PACSIN2: variants seen among roughly 807,000 people sequenced by gnomAD.
The protein encoded by PACSIN2 is protein kinase C and casein kinase substrate in neurons 2, also known as protein kinase C and casein kinase substrate in neurons protein 2.
A neutral mutation model predicts 63.8 loss-of-function variants in PACSIN2; 25 were observed. That is an observed-to-expected ratio of 0.39 (90% CI 0.29 to 0.55). PACSIN2 has a LOEUF of 0.55. Among genes scored for constraint, PACSIN2 ranks in the 20% least tolerant of loss-of-function variants. PACSIN2 has a pLI of 0.62. For missense variants in PACSIN2, 518 were observed against 646.9 expected (o/e 0.80, Z 2.16); for synonymous variants, 255 against 256.2 (o/e 1.00, Z 0.05).
intron 1 of PACSIN2, among the ~76,000 whole-genome samples, chr22:42,974,575 C>T (rs1465359998): frequency 6.6e-6 from 1 of 152,022 alleles, no homozygotes; most frequent in East Asian, 1.9e-4. Context: ...ATGGTGAAAC[C>T]CTGCCTCTAT....
intron 1 of PACSIN2, among the ~76,000 whole-genome samples, chr22:43,010,399 T>TATATATATATATATATATATATATATATA (rs1388431678): frequency 6.2e-5 from 2 of 32,496 alleles, no homozygotes; most frequent in African/African-American, 2.8e-4. Context: ...TATATATATA[T>TATATATATATATATATATATATATATATA]TTTTTTTTAA....
At chr22:42,977,628 C>A (rs1921797401) in intron 1 of PACSIN2, among the ~76,000 whole-genome samples, 1 of 152,166 alleles carries the variant, frequency 6.6e-6, no homozygotes, top group South Asian at 2.1e-4. Flanking sequence ...TGTCCTCACC[C>A]AAATCTCACG....
intron 5 of PACSIN2, among the ~76,000 whole-genome samples, chr22:42,885,096 C>T (rs1157682334): frequency 1.3e-5 from 2 of 152,260 alleles, no homozygotes; most frequent in Non-Finnish European, 2.9e-5. Context: ...CCCCCTCACA[C>T]AGCTGCTCCC....
intron 1 of PACSIN2, among the ~76,000 whole-genome samples, chr22:42,960,605 A>G (rs1191908640): frequency 6.6e-6 from 1 of 152,232 alleles, no homozygotes; most frequent in Non-Finnish European, 1.5e-5. Context: ...AGATTTTAAA[A>G]TGCTTGTGCC....
At chr22:42,911,384 T>C (rs1425182150) in intron 2 of PACSIN2, among the ~76,000 whole-genome samples, 2 of 146,286 alleles carry the variant, frequency 1.4e-5, no homozygotes, top group East Asian at 4.0e-4. Context: ...AACTCCAGCC[T>C]GCGCTCTCGA....
intron 1 of PACSIN2, among the ~76,000 whole-genome samples, 190 bp downstream of exon 1, chr22:43,014,831 G>C (rs879445524): frequency 9.0e-6 from 1 of 111,292 alleles, no homozygotes; most frequent in Non-Finnish European, 1.8e-5. Flanking sequence ...GGCGCCCCCC[G>C]GGGCCCCGAG....
chr22:42,882,038 C>A, intron 7 of PACSIN2, 146 bp downstream of exon 7: 2 of 924,430 alleles, frequency 2.2e-6, no homozygotes, highest in Non-Finnish European at 3.3e-6. Flanking sequence ...AGAACTTGGT[C>A]TGTACTATAG....
In PACSIN2 at chr22:42,884,433, C is replaced by T. The variant is rs1419593603; in HGVS notation, c.738G>A (p.Glu246=). The T allele has an allele frequency of 4.3e-6, 7 of 1,614,112 alleles. No individual in the cohort carries two copies. The highest frequency in any genetic ancestry group is 5.9e-6 in the Non-Finnish European group (7 of 1,180,050). ...GGTGCTTCTGAACCTCCAGCAGAAC[C>T]TCCCGGAAGAAGCGAAGGCGTTTCT... ...FEEKRLRFFR[E]VLLEVQKHLD... is the part of the protein sequence containing the mutation. Residue 246 remains glutamate, a synonymous_variant, in exon 6 of 11, where the codon GAG becomes GAA. Transcript: ENST00000263246.
intron 1 of PACSIN2, among the ~76,000 whole-genome samples, chr22:42,953,364 T>C (rs1933781925): frequency 6.6e-6 from 1 of 151,450 alleles, no homozygotes; most frequent in African/African-American, 2.4e-5. Context: ...AGAATAAAAA[T>C]CTCACCAGAA....
intron 2 of PACSIN2, among the ~76,000 whole-genome samples, chr22:42,904,105 G>A (rs1930892761): frequency 6.6e-6 from 1 of 152,138 alleles, no homozygotes; most frequent in Non-Finnish European, 1.5e-5. Flanking sequence ...TAACTCCAAA[G>A]GCAGAACACA....
chr22:42,877,002 T>A lies in PACSIN2; in HGVS notation c.1037A>T (p.Asn346Ile), dbSNP rs1417246125. Residue 346 changes from asparagine (N) to isoleucine (I), a missense_variant, in exon 9 of 11, where the codon AAT (asparagine) becomes ATT (isoleucine). Physicochemically the swap from Asn to Ile is moderately radical, Grantham distance 149 (BLOSUM62 -3). Coordinates refer to ENST00000263246, the MANE Select transcript of PACSIN2 (RefSeq NM_001184970.3). ...AGACTGGGCGGGGTTGCTCGGGACA[T>A]TAAGGGTGCTATGGAGAGAGAGAGC... is the stretch of plus-strand genomic sequence containing the variant. ...SLPSKPSSTL[N>I]VPSNPAQSAQ... 6.2e-7 allele frequency: 1 copy of A among 1,614,014 alleles called. No homozygotes were observed. Among genetic ancestry groups the A allele is most frequent in the Non-Finnish European group, 8.5e-7 (1 of 1,179,946 alleles).
At chr22:42,898,000 C>G (rs1206091490) in intron 2 of PACSIN2, among the ~76,000 whole-genome samples, 1 of 151,876 alleles carries the variant, frequency 6.6e-6, no homozygotes, top group South Asian at 2.1e-4. Flanking sequence ...GGCCTGCATC[C>G]TGAAGGGTGT....
At chr22:42,897,674 G>A (rs948928378) in intron 2 of PACSIN2, among the ~76,000 whole-genome samples, 3 of 152,222 alleles carry the variant, frequency 2.0e-5, no homozygotes, top group Non-Finnish European at 4.4e-5. Context: ...CTGGCAGACG[G>A]AGGGCCAAGC....
Position 42,891,169 on chromosome 22 carries a change from C to G in PACSIN2, c.231G>C (p.Gly77=). ...AGGCCATCCAGGCCTTCTCCACGGTCCCGTACTGGGGCCCTGTGCAGGGGA... is the reference window on the plus strand; with the variant it reads ...AGGCCATCCAGGCCTTCTCCACGGTGCCGTACTGGGGCCCTGTGCAGGGGA... ...RQLVEKGPQY[G]TVEKAWMAFM... The change falls in exon 4 of 11, where the codon GGG becomes GGC. Residue 77 remains glycine (G), a synonymous_variant. Coordinates refer to ENST00000263246, the MANE Select transcript of PACSIN2 (RefSeq NM_001184970.3). The G allele has an allele frequency of 6.2e-7, 1 of 1,613,360 alleles. No homozygotes were observed. The highest frequency in any genetic ancestry group is 8.5e-7 in the Non-Finnish European group (1 of 1,179,754).
intron 1 of PACSIN2, among the ~76,000 whole-genome samples, chr22:42,928,446 T>A (rs1176484559): frequency 6.6e-6 from 1 of 152,250 alleles, no homozygotes; most frequent in African/African-American, 2.4e-5. Flanking sequence ...ATTTCATGCA[T>A]CAGAGTACAG....
chr22:42,977,690 G>T (rs767563977), intron 1 of PACSIN2, among the ~76,000 whole-genome samples: 3 of 152,144 alleles, frequency 2.0e-5, no homozygotes, highest in African/African-American at 4.8e-5. Context: ...GAGGTGATTA[G>T]ATCATGGAGG....
intron 1 of PACSIN2, among the ~76,000 whole-genome samples, chr22:42,979,529 A>C (rs1385829472): frequency 6.7e-6 from 1 of 149,870 alleles, no homozygotes; most frequent in Non-Finnish European, 1.5e-5. Flanking sequence ...CTCTCAAAAA[A>C]AAAAAAAAAA....
At chr22:42,932,445 T>G (rs550121070) in intron 1 of PACSIN2, among the ~76,000 whole-genome samples, 2 of 152,334 alleles carry the variant, frequency 1.3e-5, no homozygotes, top group East Asian at 3.9e-4. Context: ...GACAGTGAAT[T>G]CCAGAAGCGT....
chr22:43,009,922 T>C (rs950780418), intron 1 of PACSIN2, among the ~76,000 whole-genome samples: 5 of 146,116 alleles, frequency 3.4e-5, no homozygotes, highest in Non-Finnish European at 1.5e-5. Flanking sequence ...AAGGCTGGAG[T>C]GCAGTGGCAC....
Sources: gnomAD v4.1 joint callset for allele counts (sites outside exome capture counted in the v4.1 genomes callset) on GRCh38, gnomAD v4.1.1 for gene constraint, MANE v1.5 for transcripts, NCBI Gene and HGNC (gene_info 2026-07-23, HGNC 2026-07-21) for gene names.